Variants in ZSCAN12 observed in about 807,000 individuals in gnomAD.
The protein encoded by ZSCAN12 is zinc finger and SCAN domain-containing protein 12.
ZSCAN12 carries 18 observed loss-of-function variants against 23.4 expected under a neutral mutation model. The ratio of observed to expected loss-of-function variants is 0.77; its 90% CI spans 0.53 to 1.14. The LOEUF (loss-of-function observed/expected upper bound fraction) is 1.14, where lower values mean the gene tolerates loss of function less well. Among genes scored for constraint, ZSCAN12 ranks in the 50% most tolerant of loss-of-function variants. The pLI is 0.00. For synonymous variants in ZSCAN12, 186 were observed against 253.4 expected (o/e 0.73, Z 2.53); for missense variants, 650 against 735.0 (o/e 0.88, Z 1.34).
rs908694988 is a variant in ZSCAN12 at position 28,385,067 on chromosome 6, CAT to C, written c.*5385_*5386del. The stretch of plus-strand genomic sequence containing the variant: ...AAGCAAAGAAAAATATCATATATCA[CAT>C]ATATGTGTGTGTGTGCATTTTTAAA... On this transcript the variant is annotated 3_prime_UTR_variant, in exon 4 of 4. Coordinates refer to ENST00000684592, the MANE Select transcript of ZSCAN12 (RefSeq NM_001163391.2). Among the ~76,000 whole-genome samples, 11 of 152,172 alleles carry C rather than the reference CAT, an allele frequency of 7.2e-5. No homozygotes were observed. Among genetic ancestry groups the C allele is most frequent in the African/African-American group, 2.7e-4 (11 of 41,448 alleles).
rs755865652 is a variant in ZSCAN12, at chr6:28,391,264, C to A, written c.1026G>T (p.Trp342Cys). ...CNECGKAFGR[W>C]SALNQHQRLH... ...GTCTCTGATGTTGGTTAAGAGCTGA[C>A]CACCGGCCAAAGGCTTTGCCACATT... is the stretch of plus-strand genomic sequence containing the variant. Residue 342 changes from tryptophan to cysteine, a missense_variant, in exon 4 of 4, where the codon TGG becomes TGT. Transcript: ENST00000684592. This position sits in a 1 kb window ranked among gnomAD's most constrained non-coding sequence, Gnocchi z 4.1. The A allele has an allele frequency of 3.2e-6, 5 of 1,551,836 alleles. No homozygotes were observed. Among genetic ancestry groups the A allele is most frequent in the Non-Finnish European group, 2.6e-6 (3 of 1,147,032 alleles).
chr6:28,383,891 T>G (rs1760412793), downstream of ZSCAN12, among the ~76,000 whole-genome samples: 1 of 152,184 alleles, frequency 6.6e-6, no homozygotes, highest in Non-Finnish European at 1.5e-5. Flanking sequence ...GTCACTGGCA[T>G]CTAGAGACAA....
intron 3 of ZSCAN12, among the ~76,000 whole-genome samples, chr6:28,392,412 G>A (rs1396201718): frequency 6.6e-6 from 1 of 152,106 alleles, no homozygotes; most frequent in African/African-American, 2.4e-5. Flanking sequence ...TCCTGACCTC[G>A]TGATCCACCC....
intron 2 of ZSCAN12, among the ~76,000 whole-genome samples, chr6:28,394,694 T>C (rs16894060): frequency 0.34 from 50,934 of 151,938 alleles, 8,929 homozygotes; most frequent in African/African-American, 0.43. Context: ...ATTACTTTTG[T>C]CTGCATCTAA....
Position 28,391,691 on chromosome 6 carries a change from G to C in ZSCAN12, c.599C>G (p.Ser200Cys). The C allele has an allele frequency of 1.9e-6, 3 of 1,546,550 alleles. No homozygotes were observed. Among genetic ancestry groups the C allele is most frequent in the Non-Finnish European group, 8.7e-7 (1 of 1,146,252 alleles). The change falls in exon 4 of 4, where the codon TCT becomes TGT. Residue 200 changes from serine to cysteine, a missense_variant. Coordinates refer to ENST00000684592, the MANE Select transcript of ZSCAN12 (RefSeq NM_001163391.2). This position sits in a 1 kb window ranked among gnomAD's most constrained non-coding sequence, Gnocchi z 4.1. ...NEYGNLKQEV[S>C]EEMEPHGKTS... ...CTTCCCATGTGGTTCCATTTCTTCA[G>C]AAACTTCTTGCTTTAAATTCCCATA...
chr6:28,384,390 A>T (rs1760441445), downstream of ZSCAN12, among the ~76,000 whole-genome samples: 1 of 152,220 alleles, frequency 6.6e-6, no homozygotes, highest in Non-Finnish European at 1.5e-5. Flanking sequence ...TGGGACTTCC[A>T]GGAGCAGGCC....
intron 2 of ZSCAN12, among the ~76,000 whole-genome samples, chr6:28,394,185 T>C (rs895394012): frequency 2.0e-5 from 3 of 152,168 alleles, no homozygotes; most frequent in African/African-American, 7.2e-5. Flanking sequence ...CAGCAAGGTA[T>C]TGTAAAAAGC....
intron 1 of ZSCAN12, among the ~76,000 whole-genome samples, chr6:28,398,925 T>A (rs1458486186): frequency 2.9e-5 from 2 of 68,364 alleles, no homozygotes; most frequent in Admixed American, 1.5e-4. Context: ...AGAGCGAGAC[T>A]CCGTCTCAAA....
chr6:28,395,724 T>C (rs935513600), intron 2 of ZSCAN12, among the ~76,000 whole-genome samples: 1 of 152,220 alleles, frequency 6.6e-6, no homozygotes, highest in African/African-American at 2.4e-5. Flanking sequence ...TCTGACATAA[T>C]ATAATCTTAT....
rs148065785 is a variant in ZSCAN12 at position 28,397,884 on chromosome 6, C to A, written c.402+120G>T. Reference sequence around the variant, plus strand: ...AGCCAACTTTCCGTGAAACTCATGCCCCTTTCTGATGCACCAAACTGTCAA... The same window carrying A: ...AGCCAACTTTCCGTGAAACTCATGCACCTTTCTGATGCACCAAACTGTCAA... On this transcript the variant is annotated intron_variant, in intron 2 of 3. Transcript: ENST00000684592. 478 of 1,237,426 alleles carry A rather than the reference C, an allele frequency of 3.9e-4. 3 individuals carry two copies. The Middle Eastern group carries it at 4.3e-3, about 11-fold the overall frequency. 76.7% of individuals were successfully genotyped at this position (1,237,426 alleles called of 1,614,324 possible).
In ZSCAN12 at chr6:28,389,371, T is replaced by C. The variant is rs762213979; in HGVS notation, c.*1083A>G. Among the ~76,000 whole-genome samples, 9 of 152,184 alleles carry C rather than the reference T, an allele frequency of 5.9e-5. No individual in the cohort carries two copies. Among genetic ancestry groups the C allele is most frequent in the Non-Finnish European group, 1.2e-4 (8 of 68,038 alleles). ...TAATTCCTTGTTCACTCCAAAGAGC[T>C]GATGGCACATGTTCCCTGTAAGGAT... On this transcript the variant is annotated 3_prime_UTR_variant, in exon 4 of 4. Coordinates refer to ENST00000684592, the MANE Select transcript of ZSCAN12 (RefSeq NM_001163391.2).
chr6:28,392,748 A>C (rs1032680468), intron 3 of ZSCAN12, among the ~76,000 whole-genome samples, 154 bp downstream of exon 3: 16 of 152,220 alleles, frequency 1.1e-4, no homozygotes, highest in African/African-American at 3.9e-4. Context: ...AAGAGTGACA[A>C]ACTAGGCTGT....
chr6:28,397,895 G>T, intron 2 of ZSCAN12, 109 bp downstream of exon 2: 1 of 1,331,394 alleles, frequency 7.5e-7, no homozygotes, highest in Non-Finnish European at 9.9e-7. Flanking sequence ...CCTTTCTGAT[G>T]CACCAAACTG....
At chr6:28,384,200 G>A (rs1039482609), downstream of ZSCAN12, among the ~76,000 whole-genome samples, 7 of 152,102 alleles carry the variant, frequency 4.6e-5, no homozygotes, top group Non-Finnish European at 8.8e-5. Flanking sequence ...TCCCTAAACT[G>A]CCTCAATCTT....
chr6:28,393,469 T>G (rs1760959746), intron 2 of ZSCAN12, among the ~76,000 whole-genome samples: 1 of 116,436 alleles, frequency 8.6e-6, no homozygotes, highest in Non-Finnish European at 1.7e-5. Context: ...TGTAGAGAAA[T>G]GATAAAAAAA....
rs1308588799 is a variant in ZSCAN12 at position 28,389,360 on chromosome 6, C to T, written c.*1094G>A. The stretch of plus-strand genomic sequence containing the variant: ...TGATGGGGGTCTAATTCCTTGTTCA[C>T]TCCAAAGAGCTGATGGCACATGTTC... On this transcript the variant is annotated 3_prime_UTR_variant, in exon 4 of 4. Transcript: ENST00000684592. 3.9e-5 allele frequency among the ~76,000 whole-genome samples: 6 copies of T among 152,192 alleles called. No individual in the cohort carries two copies. Among genetic ancestry groups the T allele is most frequent in the African/African-American group, 7.2e-5 (3 of 41,450 alleles).
chr6:28,395,027 T>C (rs1761039544), intron 2 of ZSCAN12, among the ~76,000 whole-genome samples: 1 of 152,028 alleles, frequency 6.6e-6, no homozygotes, highest in Non-Finnish European at 1.5e-5. Flanking sequence ...TTCCGACTCC[T>C]GGGTTCAAGC....
In ZSCAN12 at chr6:28,388,037, G is replaced by T. The variant is rs953636573; in HGVS notation, c.*2417C>A. 6.6e-6 allele frequency among the ~76,000 whole-genome samples: 1 copy of T among 152,172 alleles called. No homozygotes were observed. The highest frequency in any genetic ancestry group is 1.5e-5 in the Non-Finnish European group (1 of 68,040). Reference sequence around the variant, plus strand: ...CCGCAAGCAGCTGAACCTTGGTTTGGTTACAAGTTTGCATTCTCATTATGT... The same window carrying T: ...CCGCAAGCAGCTGAACCTTGGTTTGTTTACAAGTTTGCATTCTCATTATGT... On this transcript the variant is annotated 3_prime_UTR_variant, in exon 4 of 4. Transcript: ENST00000684592.
At position 28,390,304 on chromosome 6, in the gene ZSCAN12, C is replaced by G. The variant is rs116149050; in HGVS notation, c.*150G>C. On this transcript the variant is annotated 3_prime_UTR_variant, in exon 4 of 4. Transcript: ENST00000684592. ...GGTTATCTTCTTGTTCTCCACAGCA[C>G]GTAGTACAATGGGCAGCACACAGTG... 1.8e-6 allele frequency: 1 copy of G among 548,866 alleles called. No individual in the cohort carries two copies. Among genetic ancestry groups the G allele is most frequent in the African/African-American group, 1.9e-5 (1 of 52,284 alleles). 34.0% of individuals were successfully genotyped at this position (548,866 alleles called of 1,614,324 possible). A position where few individuals can be genotyped will look rare whatever the true frequency, so the allele number is the denominator to read the frequency against.
Sources: gnomAD v4.1 joint callset for allele counts (sites outside exome capture counted in the v4.1 genomes callset) on GRCh38, gnomAD v4.1.1 for gene constraint, Gnocchi (gnomAD v3.1) non-coding constraint, MANE v1.5 for transcripts, NCBI Gene and HGNC (gene_info 2026-07-23, HGNC 2026-07-21) for gene names.